The following CD22 variants were observed in gnomAD, a reference collection of about 807,000 sequenced individuals.
CD22 encodes CD22 molecule, also known as B-cell receptor CD22.
A neutral mutation model predicts 94.7 loss-of-function variants in CD22; 51 were observed. The ratio of observed to expected loss-of-function variants is 0.54; its 90% CI spans 0.43 to 0.68. The LOEUF (loss-of-function observed/expected upper bound fraction) is 0.68, where lower values mean the gene tolerates loss of function less well. Ranked by LOEUF, CD22 falls within the 30% of genes least tolerant of loss-of-function variation. The pLI, the probability that CD22 is intolerant of heterozygous loss-of-function variation, is 0.00. For missense variants in CD22, 931 were observed against 1,060.4 expected (o/e 0.88, Z 1.69); for synonymous variants, 424 against 422.5 (o/e 1.00, Z -0.04).
At position 35,338,302 on chromosome 19, in the gene CD22, C is replaced by A; in HGVS notation, c.1120C>A (p.Gln374Lys). 1 of 1,614,238 alleles carries A rather than the reference C, an allele frequency of 6.2e-7. No individual in the cohort carries two copies. The highest frequency in any genetic ancestry group is 8.5e-7 in the Non-Finnish European group (1 of 1,180,048). ...YTWYHNGKEM[Q>K]GRTEEKVHIP... Reference sequence around the variant, plus strand: ...GTGGTACCACAATGGGAAAGAAATGCAGGGAAGGACAGAGGAGAAAGTCCA... The same window carrying A: ...GTGGTACCACAATGGGAAAGAAATGAAGGGAAGGACAGAGGAGAAAGTCCA... Residue 374 changes from glutamine to lysine, a missense_variant, in exon 6 of 14, where the codon CAG becomes AAG. Physicochemically the swap from Gln to Lys is moderately conservative, Grantham distance 53. Coordinates refer to ENST00000085219, the MANE Select transcript of CD22 (RefSeq NM_001771.4).
chr19:35,338,386 C>T lies in CD22; in HGVS notation c.1204C>T (p.Leu402Phe). 6.2e-7 allele frequency: 1 copy of T among 1,614,166 alleles called. No individual in the cohort carries two copies. The highest frequency in any genetic ancestry group is 8.5e-7 in the Non-Finnish European group (1 of 1,180,010). The change falls in exon 6 of 14, where the codon CTT (leucine) becomes TTT (phenylalanine). Residue 402 changes from leucine (L) to phenylalanine (F), a missense_variant. By Grantham distance (22) the Leu-to-Phe change is conservative. Transcript: ENST00000085219. The part of the protein sequence containing the change: ...GTYSCVAENI[L>F]GTGQRGPGAE... ...TTATTCCTGTGTGGCAGAAAACATTCTTGGTACTGGACAGAGGGGCCCGGG... is the reference window on the plus strand; with the variant it reads ...TTATTCCTGTGTGGCAGAAAACATTTTTGGTACTGGACAGAGGGGCCCGGG...
Position 35,332,604 on chromosome 19 carries a change from CCCTCTACG to C in CD22, c.96_103del (p.Tyr33GlyfsTer17). 1 of 1,614,124 alleles carries C rather than the reference CCCTCTACG, an allele frequency of 6.2e-7. No individual in the cohort carries two copies. The highest frequency in any genetic ancestry group is 8.5e-7 in the Non-Finnish European group (1 of 1,180,012). ...AAATGGGTTTTTGAGCACCCTGAAA[CCCTCTACG>C]CCTGGGAGGGGGCCTGCGTCTGGAT... On this transcript the variant is annotated frameshift_variant, in exon 3 of 14. Transcript: ENST00000085219. LOFTEE classifies it high-confidence loss of function.
In CD22 at chr19:35,343,576, T is replaced by C. The variant is rs116302632; in HGVS notation, c.2036-1253T>C. ...TTGGACATTGTTCTGTATCTATGCA[T>C]ACACAGAGTGTCTAAAGTCTGGAGG... On this transcript the variant is annotated intron_variant, in intron 9 of 13. Coordinates refer to ENST00000085219, the MANE Select transcript of CD22 (RefSeq NM_001771.4). Among the ~76,000 whole-genome samples the C allele has an allele frequency of 4.2e-3, 646 of 152,292 alleles. 3 individuals are homozygous for C. The highest frequency in any genetic ancestry group is 0.012 in the African/African-American group (482 of 41,558).
In CD22 at chr19:35,337,913, A is replaced by T; in HGVS notation, c.877A>T (p.Thr293Ser). ...GTSLKKQNTF[T>S]LNLREVTKDQ... ...CTCGCTGAAGAAGCAGAATACATTC[A>T]CGCTAAACCTGCGCGAAGTGACCAA... The change falls in exon 5 of 14, where the codon ACG (threonine) becomes TCG (serine). Residue 293 changes from threonine (T) to serine (S), a missense_variant. Physicochemically the swap from Thr to Ser is moderately conservative, Grantham distance 58. Transcript: ENST00000085219. The surrounding 1 kb of genome is among the most constrained non-coding windows in gnomAD (Gnocchi z 4.4). 3 of 1,614,206 alleles carry T rather than the reference A, an allele frequency of 1.9e-6. No individual in the cohort carries two copies. The highest frequency in any genetic ancestry group is 2.5e-6 in the Non-Finnish European group (3 of 1,180,024).
In CD22 at chr19:35,341,232, C is replaced by T. The variant is rs58308931; in HGVS notation, c.1507+94C>T. On this transcript the variant is annotated intron_variant, in intron 7 of 13. Transcript: ENST00000085219. This position sits in a 1 kb window ranked among gnomAD's most constrained non-coding sequence, Gnocchi z 4.0. ...AGGCCGGAGCCTGGGCCAGTGTCTTCAACAGAATTGAGGGACAGGAGCCTG... is the reference window on the plus strand; with the variant it reads ...AGGCCGGAGCCTGGGCCAGTGTCTTTAACAGAATTGAGGGACAGGAGCCTG... 1,187 of 1,599,490 alleles carry T rather than the reference C, an allele frequency of 7.4e-4. 4 individuals are homozygous for T. In the African/African-American group the frequency reaches 0.014, roughly 19 times the overall value.
chr19:35,338,208 G>A lies in CD22; in HGVS notation c.1026G>A (p.Pro342=), dbSNP rs140918528. Residue 342 remains proline, a synonymous_variant, in exon 6 of 14, where the codon CCG becomes CCA. Transcript: ENST00000085219. ...CCACGGTTCAGATCCTCCACTCACCGGCTGTGGAGGGAAGTCAAGTCGAGT... is the reference window on the plus strand; with the variant it reads ...CCACGGTTCAGATCCTCCACTCACCAGCTGTGGAGGGAAGTCAAGTCGAGT... ...EPSTVQILHS[P]AVEGSQVEFL... 5.3e-5 allele frequency: 85 copies of A among 1,613,978 alleles called. No homozygotes were observed. The highest frequency in any genetic ancestry group is 2.3e-4 in the African/African-American group (17 of 74,928).
At position 35,336,350 on chromosome 19, in the gene CD22, C is replaced by A. The variant is rs2066723905; in HGVS notation, c.718+9C>A. ...GCAGCTGAACGTGAAGCGTGAGTCT[C>A]CCCGGCATGCCTGTGGGAAGGGCAA... On this transcript the variant is annotated intron_variant, in intron 4 of 13. Coordinates refer to ENST00000085219, the MANE Select transcript of CD22 (RefSeq NM_001771.4). 6.2e-7 allele frequency: 1 copy of A among 1,611,702 alleles called. No homozygotes were observed. Among genetic ancestry groups the A allele is most frequent in the Non-Finnish European group, 8.5e-7 (1 of 1,178,408 alleles).
At position 35,345,144 on chromosome 19, in the gene CD22, A is replaced by G. The variant is rs1227179689; in HGVS notation, c.2208+18A>G. 30 of 1,610,782 alleles carry G rather than the reference A, an allele frequency of 1.9e-5. No homozygotes were observed. The highest frequency in any genetic ancestry group is 2.5e-5 in the Non-Finnish European group (30 of 1,177,456). On this transcript the variant is annotated intron_variant, in intron 11 of 13. Coordinates refer to ENST00000085219, the MANE Select transcript of CD22 (RefSeq NM_001771.4). ...ATAAAAAGGTAGGATGGGGCTGGGCACGATGGCTCATGCCTGTAATCCCAG... is the reference window on the plus strand; with the variant it reads ...ATAAAAAGGTAGGATGGGGCTGGGCGCGATGGCTCATGCCTGTAATCCCAG...
chr19:35,343,906 G>A (rs6510479), intron 9 of CD22, among the ~76,000 whole-genome samples: 47,300 of 151,984 alleles, frequency 0.31, 7,718 homozygotes, highest in African/African-American at 0.41. Context: ...GCTCACGCCT[G>A]TAATCCCAGC....
chr19:35,340,737 C>T (rs2066795406), intron 6 of CD22, 144 bp from the exon 7 acceptor site: 1 of 857,546 alleles, frequency 1.2e-6, no homozygotes, highest in Non-Finnish European at 1.8e-6. Flanking sequence ...CACACAGATG[C>T]AGGAAGGACG....
At position 35,347,160 on chromosome 19, in the gene CD22, A is replaced by G. The variant is rs2066920626; in HGVS notation, c.*463A>G. 1 of 157,266 alleles carries G rather than the reference A, an allele frequency of 6.4e-6. No homozygotes were observed. Among genetic ancestry groups the G allele is most frequent in the Non-Finnish European group, 1.4e-5 (1 of 70,802 alleles). The allele number at this position is 157,266 out of a possible 1,614,324, so 9.7% of individuals were successfully genotyped here. A position where few individuals can be genotyped will look rare whatever the true frequency, so the allele number is the denominator to read the frequency against. On this transcript the variant is annotated 3_prime_UTR_variant, in exon 14 of 14. Coordinates refer to ENST00000085219, the MANE Select transcript of CD22 (RefSeq NM_001771.4). ...TTTCTGCCTCTGAGGGAAAGCCCAGAAAAGGACAGAAACGAAGTAGAAAGG... is the reference window on the plus strand; with the variant it reads ...TTTCTGCCTCTGAGGGAAAGCCCAGGAAAGGACAGAAACGAAGTAGAAAGG...
chr19:35,333,590 T>C (rs1364263961), intron 3 of CD22, among the ~76,000 whole-genome samples: 3 of 152,114 alleles, frequency 2.0e-5, no homozygotes, highest in African/African-American at 4.8e-5. Flanking sequence ...GGTCTCGCAC[T>C]GTCATCACCC....
chr19:35,340,857 C>T (rs776785289), intron 6 of CD22, 24 bp from the exon 7 acceptor site: 2 of 1,613,634 alleles, frequency 1.2e-6, no homozygotes, highest in South Asian at 2.2e-5. Flanking sequence ...CTTTTCTTTA[C>T]TCACCTCTCT....
In CD22 at chr19:35,332,794, C is replaced by G. The variant is rs1053162142; in HGVS notation, c.282C>G (p.Phe94Leu). The change falls in exon 3 of 14, where the codon TTC (phenylalanine) becomes TTG (leucine). Residue 94 changes from phenylalanine to leucine, a missense_variant. Physicochemically the swap from Phe to Leu is conservative, Grantham distance 22 (BLOSUM62 0). Coordinates refer to ENST00000085219, the MANE Select transcript of CD22 (RefSeq NM_001771.4). ...CTTCTGAGCAGAAAAGGGTGCAATT[C>G]CTGGGAGACAAGAATAAGAACTGCA... Reference protein sequence around the residue: ...KVPSEQKRVQFLGDKNKNCTL... With the variant: ...KVPSEQKRVQLLGDKNKNCTL... 3 of 1,614,056 alleles carry G rather than the reference C, an allele frequency of 1.9e-6. No individual in the cohort carries two copies. The African/African-American group carries it at 4.0e-5, about 22-fold the overall frequency.
chr19:35,340,773 G>C (rs2066796223), intron 6 of CD22, 108 bp from the exon 7 acceptor site: 1 of 1,204,688 alleles, frequency 8.3e-7, no homozygotes, highest in South Asian at 1.3e-5. Flanking sequence ...GATTAATTTA[G>C]GACCTGTGCA....
chr19:35,333,062 C>A (rs2066668216), intron 3 of CD22, 138 bp downstream of exon 3: 1 of 848,116 alleles, frequency 1.2e-6, no homozygotes, highest in Non-Finnish European at 1.8e-6. Flanking sequence ...ATGACGATGG[C>A]GATGCAGCAG....
At chr19:35,340,646 C>T (rs1486518890) in intron 6 of CD22, among the ~76,000 whole-genome samples, 2 of 152,226 alleles carry the variant, frequency 1.3e-5, no homozygotes, top group African/African-American at 4.8e-5. Context: ...CTCTCAGCAG[C>T]CGTCTGGCTT....
chr19:35,333,014 C>A, intron 3 of CD22, 90 bp downstream of exon 3: 16 of 1,415,042 alleles, frequency 1.1e-5, no homozygotes, highest in Non-Finnish European at 1.5e-5. Context: ...GCTCACAAAC[C>A]GAGCTTCCTG....
At position 35,337,461 on chromosome 19, in the gene CD22, C is replaced by T. The variant is rs1194061058; in HGVS notation, c.719-294C>T. On this transcript the variant is annotated intron_variant, in intron 4 of 13. Transcript: ENST00000085219. This position sits in a 1 kb window ranked among gnomAD's most constrained non-coding sequence, Gnocchi z 4.4. ...GGAGATGGAGCAGGACTCTGGATCC[C>T]GAGGGCTGAGGTGAGGGTTTGGGAT... Among the ~76,000 whole-genome samples the T allele has an allele frequency of 3.3e-5, 5 of 152,006 alleles. No homozygotes were observed. Among genetic ancestry groups the T allele is most frequent in the Admixed American group, 3.3e-4 (5 of 15,256 alleles).
Sources: allele counts gnomAD v4.1 joint callset (sites outside exome capture counted in the v4.1 genomes callset), GRCh38; gene constraint gnomAD v4.1.1; non-coding constraint Gnocchi (gnomAD v3.1); transcripts MANE v1.5; gene names NCBI Gene and HGNC (gene_info 2026-07-23, HGNC 2026-07-21).